The following KCNK10 variants were observed in gnomAD, a reference collection of about 807,000 sequenced individuals.
KCNK10 encodes the protein potassium two pore domain channel subfamily K member 10.
A neutral mutation model predicts 47.7 loss-of-function variants in KCNK10; 25 were observed. The ratio of observed to expected loss-of-function variants is 0.52; its 90% CI spans 0.38 to 0.73. The LOEUF (loss-of-function observed/expected upper bound fraction) is 0.73. KCNK10 is among the 30% of genes least tolerant of loss of function. The probability of loss-of-function intolerance (pLI) is 0.00; values close to 1 mark genes in which losing one functional copy is unlikely to be tolerated. For missense variants in KCNK10, 563 were observed against 714.5 expected (o/e 0.79, Z 2.42); for synonymous variants, 303 against 285.6 (o/e 1.06, Z -0.61).
At chr14:88,315,616 A>G (rs1416395277) in intron 1 of KCNK10, among the ~76,000 whole-genome samples, 6 of 152,104 alleles carry the variant, frequency 3.9e-5, no homozygotes, top group African/African-American at 1.4e-4. Flanking sequence ...GCACATAAGA[A>G]ACTCATTTTC....
At chr14:88,318,362 G>A (rs1888471641) in intron 1 of KCNK10, among the ~76,000 whole-genome samples, 1 of 152,214 alleles carries the variant, frequency 6.6e-6, no homozygotes, top group Admixed American at 6.5e-5. Flanking sequence ...GAAAGTCCCT[G>A]CTCATGCACC....
chr14:88,292,903 A>C (rs11159851), intron 1 of KCNK10, among the ~76,000 whole-genome samples: 58,152 of 151,960 alleles, frequency 0.38, 11,620 homozygotes, highest in African/African-American at 0.51. Context: ...GGATTACAGG[A>C]ACAAGCCACC....
At chr14:88,308,144 A>C (rs1207311606) in intron 1 of KCNK10, among the ~76,000 whole-genome samples, 3 of 152,162 alleles carry the variant, frequency 2.0e-5, no homozygotes, top group African/African-American at 7.2e-5. Flanking sequence ...GTTAATAATC[A>C]TCAGCACCCC....
upstream of KCNK10, chr14:88,323,589 C>A (rs542539601): frequency 4.0e-5 from 6 of 150,756 alleles, no homozygotes; most frequent in South Asian, 2.1e-4. Flanking sequence ...AGGCGGTGGG[C>A]GGTGGCGGGG....
intron 1 of KCNK10, among the ~76,000 whole-genome samples, chr14:88,272,610 A>G (rs1323794822): frequency 6.6e-6 from 1 of 152,188 alleles, no homozygotes; most frequent in Non-Finnish European, 1.5e-5. Flanking sequence ...TGCAAAGACA[A>G]GCAGAGGAGA....
At position 88,240,971 on chromosome 14, in the gene KCNK10, C is replaced by T. The variant is rs1595099431; in HGVS notation, c.403-151G>A. 9.2e-6 allele frequency: 5 copies of T among 542,462 alleles called. No individual in the cohort carries two copies. The East Asian group carries it at 1.5e-4, about 16-fold the overall frequency. 33.6% of individuals were successfully genotyped at this position (542,462 alleles called of 1,614,324 possible). A position where few individuals can be genotyped will look rare whatever the true frequency, so the allele number is the denominator to read the frequency against. On this transcript the variant is annotated intron_variant, in intron 2 of 6. Coordinates refer to ENST00000319231, the MANE Select transcript of KCNK10 (RefSeq NM_138317.3). ...CTGGTTAAGTGGATGATGGTAGCAT[C>T]CCAAAGCAAAATACTATGCACCCAG...
rs907482509 is a variant in KCNK10, at chr14:88,323,183, A to G, written c.-385T>C. 2.4e-5 allele frequency: 26 copies of G among 1,082,242 alleles called. No homozygotes were observed. The African/African-American group carries it at 4.3e-4, about 18-fold the overall frequency. 67.0% of individuals were successfully genotyped at this position (1,082,242 alleles called of 1,614,324 possible). ...GAAGGCTGGGGCTACGGAGAAGCCCACTGCAGTGTCACTCCAGCCCCCGAA... is the reference window on the plus strand; with the variant it reads ...GAAGGCTGGGGCTACGGAGAAGCCCGCTGCAGTGTCACTCCAGCCCCCGAA... On this transcript the variant is annotated 5_prime_UTR_variant, in exon 1 of 7. Coordinates refer to ENST00000319231, the MANE Select transcript of KCNK10 (RefSeq NM_138317.3).
At chr14:88,279,505 A>G (rs35564368) in intron 1 of KCNK10, among the ~76,000 whole-genome samples, 19,522 of 151,948 alleles carry the variant, frequency 0.13, 1,776 homozygotes, top group East Asian at 0.42. Context: ...AATACAGGAC[A>G]CCCAGTGAAA....
intron 1 of KCNK10, among the ~76,000 whole-genome samples, chr14:88,311,175 C>A (rs1566721781): frequency 6.6e-6 from 1 of 152,122 alleles, no homozygotes; most frequent in Non-Finnish European, 1.5e-5. Flanking sequence ...TACACAGATA[C>A]CCCAGGTAAG....
Position 88,260,714 on chromosome 14 carries a change from T to C in KCNK10, c.402+2488A>G, listed in dbSNP as rs1412273803. Among the ~76,000 whole-genome samples, 1 of 152,216 alleles carries C rather than the reference T, an allele frequency of 6.6e-6. No homozygotes were observed. Among genetic ancestry groups the C allele is most frequent in the African/African-American group, 2.4e-5 (1 of 41,464 alleles). On this transcript the variant is annotated intron_variant, in intron 2 of 6. Transcript: ENST00000319231. The surrounding 1 kb of genome is among the most constrained non-coding windows in gnomAD (Gnocchi z 4.5). ...TGAACTTAGAGTGTTGTTGATAAGA[T>C]TAAATGAGATAATGGGTATATGATG...
intron 1 of KCNK10, among the ~76,000 whole-genome samples, chr14:88,286,477 G>A (rs10143067): frequency 0.6 from 91,625 of 151,976 alleles, 28,040 homozygotes; most frequent in South Asian, 0.67. Context: ...CAAGCATCCT[G>A]CACACTGACT....
chr14:88,217,824 G>C (rs905252813), intron 4 of KCNK10, among the ~76,000 whole-genome samples: 4 of 152,028 alleles, frequency 2.6e-5, no homozygotes, highest in African/African-American at 9.7e-5. Flanking sequence ...CCCGGTTCAA[G>C]TGATTCTCCT....
intron 1 of KCNK10, among the ~76,000 whole-genome samples, chr14:88,264,814 A>C (rs1007863719): frequency 6.6e-6 from 1 of 152,250 alleles, no homozygotes; most frequent in African/African-American, 2.4e-5. Flanking sequence ...AGAATCAGCA[A>C]CCTGGGCATT....
chr14:88,237,554 C>G (rs1053909708), intron 3 of KCNK10, among the ~76,000 whole-genome samples: 1 of 152,140 alleles, frequency 6.6e-6, no homozygotes, highest in African/African-American at 2.4e-5. Context: ...AATAAGAGTT[C>G]AAAGTCAAAA....
At chr14:88,245,885 G>T (rs1286975958) in intron 2 of KCNK10, among the ~76,000 whole-genome samples, 1 of 152,126 alleles carries the variant, frequency 6.6e-6, no homozygotes, top group African/African-American at 2.4e-5. Flanking sequence ...CAGGATGTAT[G>T]GTCATTTTAC....
upstream of KCNK10, among the ~76,000 whole-genome samples, chr14:88,324,143 G>A (rs1008577711): frequency 2.6e-5 from 4 of 152,236 alleles, no homozygotes; most frequent in Admixed American, 6.5e-5. Context: ...CGGAAGCGGC[G>A]GCCCCGGGAT....
At position 88,247,181 on chromosome 14, in the gene KCNK10, C is replaced by T. The variant is rs142787069; in HGVS notation, c.403-6361G>A. Among the ~76,000 whole-genome samples the T allele has an allele frequency of 9.1e-4, 138 of 152,288 alleles. 2 individuals are homozygous for T. Among genetic ancestry groups the T allele is most frequent in the African/African-American group, 2.7e-3 (111 of 41,572 alleles). On this transcript the variant is annotated intron_variant, in intron 2 of 6. Coordinates refer to ENST00000319231, the MANE Select transcript of KCNK10 (RefSeq NM_138317.3). ...TGAGTTCTTTTTTCTCTATCTCAGA[C>T]GCACAGCTTCCCACATCTGGGAAGG...
At chr14:88,197,859 G>GGA (rs71126969) in intron 4 of KCNK10, among the ~76,000 whole-genome samples, 9,090 of 125,246 alleles carry the variant, frequency 0.073, 307 homozygotes, top group East Asian at 0.092. Context: ...AGGAGGGAAG[G>GGA]GAGAGAGAGA....
intron 2 of KCNK10, among the ~76,000 whole-genome samples, chr14:88,262,336 G>C (rs1249295414): frequency 6.6e-6 from 1 of 152,126 alleles, no homozygotes; most frequent in Non-Finnish European, 1.5e-5. Context: ...CACGTCCAAG[G>C]TGAAGCCCTC....
Sources: allele counts gnomAD v4.1 joint callset (sites outside exome capture counted in the v4.1 genomes callset), GRCh38; gene constraint gnomAD v4.1.1; non-coding constraint Gnocchi (gnomAD v3.1); transcripts MANE v1.5; gene names NCBI Gene and HGNC (gene_info 2026-07-23, HGNC 2026-07-21).